Variants in MEG3 observed in about 807,000 individuals in gnomAD.
MEG3 encodes maternally expressed 3, also known as Very putative protein from MEG3 locus.
rs148168625 is a variant in MEG3, at chr14:100,828,001, G to A, written n.372-707G>A. On this transcript the variant is annotated intron_variant and non_coding_transcript_variant, in intron 1 of 2. Coordinates refer to ENST00000556407, the Ensembl canonical transcript of MEG3. Reference sequence around the variant, plus strand: ...CCCGGTGGCTGGGGGCGCAGGAGGCGCCTGGTGCGGGCGGGAGGCGCTGCG... The same window carrying A: ...CCCGGTGGCTGGGGGCGCAGGAGGCACCTGGTGCGGGCGGGAGGCGCTGCG... Among the ~76,000 whole-genome samples, 159 of 152,262 alleles carry A rather than the reference G, an allele frequency of 1.0e-3. No homozygotes were observed. The East Asian group carries it at 0.026, about 25-fold the overall frequency.
At chr14:100,854,041 AT>A (rs1196225019), upstream of MEG3, 3 of 152,224 alleles carry the variant, frequency 2.0e-5, no homozygotes, top group Non-Finnish European at 4.4e-5. Context: ...GGAAGGATGG[AT>A]TGGTGAATGA....
chr14:100,849,432 C>T (rs1442651008), intron 3 of MEG3: 3 of 152,128 alleles, frequency 2.0e-5, no homozygotes, highest in African/African-American at 4.8e-5. Flanking sequence ...TGAATGGACA[C>T]ATGAACGACT....
intron 2 of MEG3, among the ~76,000 whole-genome samples, chr14:100,843,047 C>G (rs1423056884): frequency 2.0e-5 from 3 of 152,168 alleles, no homozygotes; most frequent in Non-Finnish European, 4.4e-5. Context: ...AGAGCTGGCA[C>G]ACGCAGCTTT....
downstream of MEG3, chr14:100,833,563 G>A (rs1268429230): frequency 6.6e-6 from 1 of 152,418 alleles, no homozygotes; most frequent in African/African-American, 2.4e-5. Flanking sequence ...CAGCCCTATA[G>A]TAGTTCTTCT....
At chr14:100,846,890 A>C (rs1178285546) in intron 3 of MEG3, 1 of 152,118 alleles carries the variant, frequency 6.6e-6, no homozygotes, top group African/African-American at 2.4e-5. Flanking sequence ...GAAAGAATGG[A>C]TGTATGAGTA....
At chr14:100,847,639 T>A (rs879725051) in intron 3 of MEG3, 2 of 152,010 alleles carry the variant, frequency 1.3e-5, no homozygotes, top group African/African-American at 2.4e-5. Context: ...AGTGAACAAG[T>A]CAGTGAGTAC....
chr14:100,844,627 T>G (rs2037859898), intron 2 of MEG3, among the ~76,000 whole-genome samples: 1 of 152,174 alleles, frequency 6.6e-6, no homozygotes, highest in Admixed American at 6.5e-5. Flanking sequence ...CTCTGATACA[T>G]GATTAACTAG....
chr14:100,831,282 T>C (rs1402636264), downstream of MEG3: 2 of 153,206 alleles, frequency 1.3e-5, no homozygotes, highest in Non-Finnish European at 2.9e-5. Context: ...AGAGGAAGAA[T>C]TGTACCTGTC....
intron 1 of MEG3, chr14:100,826,344 G>A (rs2037230241): frequency 6.6e-6 from 1 of 152,342 alleles, no homozygotes; most frequent in South Asian, 2.1e-4. Context: ...TGCTGGAGGC[G>A]GCCACTTCGC....
exon 1 of MEG3, chr14:100,834,907 G>T: frequency 2.3e-6 from 1 of 427,972 alleles, no homozygotes. Flanking sequence ...CTTGCTGGTC[G>T]CGTCCCTGCA....
chr14:100,840,831 G>A (rs548893716), intron 2 of MEG3, among the ~76,000 whole-genome samples: 1 of 152,348 alleles, frequency 6.6e-6, no homozygotes, highest in East Asian at 1.9e-4. Flanking sequence ...GTCCAGGATG[G>A]AAAGTTGGGG....
At chr14:100,835,859 AC>A (rs1286913445) in exon 1 of MEG3, 6 of 265,586 alleles carry the variant, frequency 2.3e-5, no homozygotes, top group Non-Finnish European at 3.6e-5. Flanking sequence ...CATCCCAGAG[AC>A]CCCTCGTGAT....
chr14:100,829,068 A>G (rs903735693), exon 3 of MEG3: 1 of 152,244 alleles, frequency 6.6e-6, no homozygotes, highest in Admixed American at 6.5e-5. Flanking sequence ...GGATCCCACC[A>G]ACATACAAAG....
At chr14:100,833,703 G>T (rs2037464540), downstream of MEG3, 1 of 152,110 alleles carries the variant, frequency 6.6e-6, no homozygotes, top group African/African-American at 2.4e-5. Flanking sequence ...TCTGAAACAT[G>T]CCCTTATTTG....
In MEG3 at chr14:100,837,344, C is replaced by T. The variant is rs76877581; in HGVS notation, n.3045+1044C>T. Among the ~76,000 whole-genome samples, 3,333 of 152,282 alleles carry T rather than the reference C, an allele frequency of 0.022. 102 individuals carry two copies. Among genetic ancestry groups the T allele is most frequent in the African/African-American group, 0.075 (3,103 of 41,550 alleles). ...CTGCCCTGGGAGGCAGTGTCAGGATCCTGGCACCCCTCATATATGACGCCC... is the reference window on the plus strand; with the variant it reads ...CTGCCCTGGGAGGCAGTGTCAGGATTCTGGCACCCCTCATATATGACGCCC... On this transcript the variant is annotated intron_variant and non_coding_transcript_variant, in intron 2 of 3. Transcript: ENST00000398461. This position sits in a 1 kb window ranked among gnomAD's most constrained non-coding sequence, Gnocchi z 5.8.
upstream of MEG3, chr14:100,853,779 A>C (rs763899785): frequency 3.3e-5 from 5 of 152,232 alleles, no homozygotes; most frequent in Non-Finnish European, 1.5e-5. Flanking sequence ...TAACTGCTTA[A>C]AACACCCTTT....
chr14:100,860,787 C>G (rs754631184), exon 2 of MEG3: 3 of 444,544 alleles, frequency 6.7e-6, no homozygotes, highest in African/African-American at 4.0e-5. Flanking sequence ...AGAGACCCGC[C>G]CTCTGACTGA....
rs1435371685 is a variant in MEG3, at chr14:100,837,943, C to A, written n.3045+1643C>A. On this transcript the variant is annotated intron_variant and non_coding_transcript_variant, in intron 2 of 3. Coordinates refer to the MEG3 transcript ENST00000398461. This position sits in a 1 kb window ranked among gnomAD's most constrained non-coding sequence, Gnocchi z 5.8. ...AGGGGAGTGTGTGCCCAGGGCTAAA[C>A]CCAGGGAGGGGGCCCAGGAAGGCTC... 1.3e-5 allele frequency among the ~76,000 whole-genome samples: 2 copies of A among 151,700 alleles called. No homozygotes were observed. The highest frequency in any genetic ancestry group is 4.8e-5 in the African/African-American group (2 of 41,272).
upstream of MEG3, chr14:100,856,522 C>T (rs2038245072): frequency 6.5e-6 from 1 of 152,680 alleles, no homozygotes. Context: ...TGATTTTGAA[C>T]TGTGATTCTG....
Sources: gnomAD v4.1 joint callset for allele counts (sites outside exome capture counted in the v4.1 genomes callset) on GRCh38, gnomAD v4.1.1 for gene constraint, Gnocchi (gnomAD v3.1) non-coding constraint, MANE v1.5 for transcripts, NCBI Gene and HGNC (gene_info 2026-07-23, HGNC 2026-07-21) for gene names.